Variants in PCDHGB4 observed in about 807,000 individuals in gnomAD.
The protein encoded by PCDHGB4 is protocadherin gamma subfamily B, 4.
PCDHGB4 carries 38 observed loss-of-function variants against 60.5 expected under a neutral mutation model. The observed-to-expected ratio is 0.63, with a 90% CI of 0.48 to 0.82. The LOEUF (loss-of-function observed/expected upper bound fraction) is 0.82, where lower values mean the gene tolerates loss of function less well. Ranked by LOEUF, PCDHGB4 falls within the 40% of genes least tolerant of loss-of-function variation. The pLI, the probability that PCDHGB4 is intolerant of heterozygous loss-of-function variation, is 0.00. For missense variants in PCDHGB4, 1,109 were observed against 1,209.6 expected (o/e 0.92, Z 1.23); for synonymous variants, 456 against 509.7 (o/e 0.89, Z 1.42).
chr5:141,432,035 G>C lies in PCDHGB4; in HGVS notation c.2397+41754G>C. 6 of 1,614,218 alleles carry C rather than the reference G, an allele frequency of 3.7e-6. No homozygotes were observed. Among genetic ancestry groups the C allele is most frequent in the Non-Finnish European group, 5.1e-6 (6 of 1,180,046 alleles). ...CTACAACATCACAGTGACCGCCACT[G>C]ACCGGGGAACCCCGCCCCTATCCAC... On this transcript the variant is annotated intron_variant, in intron 1 of 3. Coordinates refer to ENST00000519479, the MANE Select transcript of PCDHGB4 (RefSeq NM_003736.4). The surrounding 1 kb of genome is among the most constrained non-coding windows in gnomAD (Gnocchi z 6.0).
chr5:141,424,538 A>G (rs547426760), intron 1 of PCDHGB4: 37 of 152,340 alleles, frequency 2.4e-4, no homozygotes, highest in African/African-American at 8.9e-4. Context: ...TATAGAAATA[A>G]CTTGATTTTG....
chr5:141,487,275 G>T lies in PCDHGB4; in HGVS notation c.2398-7532G>T, dbSNP rs747253888. 2.5e-6 allele frequency: 4 copies of T among 1,614,158 alleles called. No homozygotes were observed. The highest frequency in any genetic ancestry group is 1.1e-5 in the South Asian group (1 of 91,074). On this transcript the variant is annotated intron_variant, in intron 1 of 3. Coordinates refer to ENST00000519479, the MANE Select transcript of PCDHGB4 (RefSeq NM_003736.4). The surrounding 1 kb of genome is among the most constrained non-coding windows in gnomAD (Gnocchi z 5.0). ...TTGGCTGTGTCCCTAGTGGCAATTT[G>T]CTTTGTCTCCTTTGGCTCATTCGTG...
At chr5:141,413,562 T>C in intron 1 of PCDHGB4, 1 of 1,613,850 alleles carries the variant, frequency 6.2e-7, no homozygotes, top group Non-Finnish European at 8.5e-7. Context: ...AAGTAACTGA[T>C]ATCAATGACA....
intron 1 of PCDHGB4, chr5:141,409,049 AG>A: frequency 6.2e-7 from 1 of 1,614,028 alleles, no homozygotes; most frequent in African/African-American, 1.3e-5. Context: ...CTACTTCCGA[AG>A]CACTGCCCAG....
In PCDHGB4 at chr5:141,418,047, C is replaced by G. The variant is rs968352679; in HGVS notation, c.2397+27766C>G. The G allele has an allele frequency of 6.2e-6, 10 of 1,613,894 alleles. No individual in the cohort carries two copies. The highest frequency in any genetic ancestry group is 1.6e-4 in the Middle Eastern group (1 of 6,076). ...GGGCTTAGTGTCCTGGATGTGTCGG[C>G]TCGCGAGCTGCGAGTGAGCGCGGAG... On this transcript the variant is annotated intron_variant, in intron 1 of 3. Transcript: ENST00000519479.
At chr5:141,395,620 CAAG>C (rs1298520628) in intron 1 of PCDHGB4, 1 of 189,326 alleles carries the variant, frequency 5.3e-6, no homozygotes, top group Non-Finnish European at 1.1e-5. Flanking sequence ...AGAAAATTAT[CAAG>C]AAGTCTAAAG....
chr5:141,404,210 A>G (rs927879028), intron 1 of PCDHGB4: 11 of 1,613,840 alleles, frequency 6.8e-6, no homozygotes, highest in Non-Finnish European at 9.3e-6. Context: ...AGAATATAAT[A>G]TCACGGTGAC....
At chr5:141,418,248 C>G (rs372067603) in intron 1 of PCDHGB4, 1 of 1,614,000 alleles carries the variant, frequency 6.2e-7, no homozygotes, top group Admixed American at 1.7e-5. Context: ...AATGACCACG[C>G]CCCTCAATTC....
intron 1 of PCDHGB4, among the ~76,000 whole-genome samples, chr5:141,460,365 A>G (rs887924740): frequency 6.6e-6 from 1 of 152,180 alleles, no homozygotes; most frequent in African/African-American, 2.4e-5. Context: ...TAGAAGTTTT[A>G]TAGTTTTACC....
Position 141,427,844 on chromosome 5 carries a change from C to A in PCDHGB4, c.2397+37563C>A, listed in dbSNP as rs997069058. 6.5e-6 allele frequency: 10 copies of A among 1,550,194 alleles called. No homozygotes were observed. In the East Asian group the frequency reaches 2.2e-4, roughly 35 times the overall value. On this transcript the variant is annotated intron_variant, in intron 1 of 3. Transcript: ENST00000519479. ...TGGTCGCGCAGCGTGCCTTCGACCA[C>A]GAGCAGCTGTGCGCCTTCGAGCTCA...
rs752392369 is a variant in PCDHGB4 at position 141,422,109 on chromosome 5, A to G, written c.2397+31828A>G. ...AAAGCAAGGCTTCTGAAATATTCCA[A>G]TTGGATTCACAAACTGGAGAAGTTC... On this transcript the variant is annotated intron_variant, in intron 1 of 3. Coordinates refer to ENST00000519479, the MANE Select transcript of PCDHGB4 (RefSeq NM_003736.4). 6 of 1,606,850 alleles carry G rather than the reference A, an allele frequency of 3.7e-6. No homozygotes were observed. The African/African-American group carries it at 4.0e-5, about 11-fold the overall frequency.
At chr5:141,440,954 G>A (rs908507291) in intron 1 of PCDHGB4, 9 of 152,184 alleles carry the variant, frequency 5.9e-5, no homozygotes, top group Non-Finnish European at 1.0e-4. Flanking sequence ...GAGTGTCAAG[G>A]CAGAGATCAC....
Position 141,431,010 on chromosome 5 carries a change from T to G in PCDHGB4, c.2397+40729T>G. 2 of 1,613,972 alleles carry G rather than the reference T, an allele frequency of 1.2e-6. No individual in the cohort carries two copies. The highest frequency in any genetic ancestry group is 1.7e-6 in the Non-Finnish European group (2 of 1,179,964). The stretch of plus-strand genomic sequence containing the variant: ...GCCCTGAATCCGCGCAGCGGCAGCT[T>G]GGTCACGGCGGGCAGGATAGACCGG... On this transcript the variant is annotated intron_variant, in intron 1 of 3. Transcript: ENST00000519479. The surrounding 1 kb of genome is among the most constrained non-coding windows in gnomAD (Gnocchi z 4.8).
rs1293684074 is a variant in PCDHGB4 at position 141,512,899 on chromosome 5, C to T, written c.*1726C>T. On this transcript the variant is annotated 3_prime_UTR_variant, in exon 4 of 4. Transcript: ENST00000519479. ...CCCACCCCACCCTCTTCCTGTGTCT[C>T]ACGCAAGTTTTATACTCTAATATTT... 1 of 152,260 alleles carries T rather than the reference C, an allele frequency of 6.6e-6. No homozygotes were observed. Among genetic ancestry groups the T allele is most frequent in the Non-Finnish European group, 1.5e-5 (1 of 68,064 alleles). 9.4% of individuals were successfully genotyped at this position (152,260 alleles called of 1,614,324 possible). A position where few individuals can be genotyped will look rare whatever the true frequency, so the allele number is the denominator to read the frequency against.
chr5:141,399,002 C>A (rs1415503184), intron 1 of PCDHGB4: 2 of 1,613,830 alleles, frequency 1.2e-6, no homozygotes, highest in South Asian at 2.2e-5. Flanking sequence ...AGTCTGAATT[C>A]AAAGAGCGGA....
At chr5:141,502,708 A>G (rs1172090234) in intron 2 of PCDHGB4, among the ~76,000 whole-genome samples, 1 of 152,204 alleles carries the variant, frequency 6.6e-6, no homozygotes, top group Non-Finnish European at 1.5e-5. Flanking sequence ...CTGTTTTTAC[A>G]TCAGTGATTA....
chr5:141,389,441 C>T lies in PCDHGB4; in HGVS notation c.1557C>T (p.Asp519=). 1 of 1,610,584 alleles carries T rather than the reference C, an allele frequency of 6.2e-7. No homozygotes were observed. The highest frequency in any genetic ancestry group is 1.1e-5 in the South Asian group (1 of 90,810). Residue 519 remains aspartate, a synonymous_variant, in exon 1 of 4, where the codon GAC becomes GAT. Coordinates refer to ENST00000519479, the MANE Select transcript of PCDHGB4 (RefSeq NM_003736.4). ...SGVVFAQRAF[D]HEQLRAFELT... ...TGGTGTTCGCGCAGCGCGCCTTCGACCACGAGCAGCTGCGCGCCTTCGAAC... is the reference window on the plus strand; with the variant it reads ...TGGTGTTCGCGCAGCGCGCCTTCGATCACGAGCAGCTGCGCGCCTTCGAAC...
intron 1 of PCDHGB4, chr5:141,392,507 T>TC (rs2092547058): frequency 4.3e-6 from 1 of 231,946 alleles, no homozygotes; most frequent in East Asian, 8.6e-5. Context: ...GATTTTTTTT[T>TC]CTCAGTAATC....
At chr5:141,448,990 T>C (rs1419678645) in intron 1 of PCDHGB4, among the ~76,000 whole-genome samples, 1 of 152,070 alleles carries the variant, frequency 6.6e-6, no homozygotes, top group Non-Finnish European at 1.5e-5. Flanking sequence ...TATTAATATA[T>C]AGAAAGCTGT....
Sources: gnomAD v4.1 joint callset for allele counts (sites outside exome capture counted in the v4.1 genomes callset) on GRCh38, gnomAD v4.1.1 for gene constraint, Gnocchi (gnomAD v3.1) non-coding constraint, MANE v1.5 for transcripts, NCBI Gene and HGNC (gene_info 2026-07-23, HGNC 2026-07-21) for gene names.